SCYL2: variants seen among roughly 807,000 people sequenced by gnomAD.
SCYL2 encodes SCY1 like pseudokinase 2.
Under a neutral mutation model 100.4 loss-of-function variants are expected in SCYL2, and 36 were observed. The ratio of observed to expected loss-of-function variants is 0.36; its 90% CI spans 0.27 to 0.47. SCYL2 has a LOEUF of 0.47. Ranked by LOEUF, SCYL2 falls within the 20% of genes least tolerant of loss-of-function variation. The pLI is 1.00. For synonymous variants in SCYL2, 330 were observed against 359.2 expected, an observed-to-expected ratio of 0.92 and a Z score of 0.92; for missense variants, 902 against 1,083.9, an observed-to-expected ratio of 0.83 and a Z score of 2.36.
In SCYL2 at chr12:100,284,024, C is replaced by T. The variant is rs567875676; in HGVS notation, c.177+877C>T. ...TAAATGGTTTCTTGAGTATTGACTA[C>T]CTAAAAACTATTAATGAGGTCATGA... is the stretch of plus-strand genomic sequence containing the variant. On this transcript the variant is annotated intron_variant, in intron 2 of 17. Transcript: ENST00000360820. 2.6e-4 allele frequency among the ~76,000 whole-genome samples: 39 copies of T among 152,232 alleles called. No homozygotes were observed. The South Asian group carries it at 8.1e-3, about 32-fold the overall frequency.
chr12:100,303,410 G>A (rs2096330129), intron 4 of SCYL2, among the ~76,000 whole-genome samples: 1 of 152,020 alleles, frequency 6.6e-6, no homozygotes, highest in South Asian at 2.1e-4. Context: ...CTTTGATGTC[G>A]GTGACTTTCA....
At chr12:100,303,887 T>C (rs902946167) in intron 4 of SCYL2, among the ~76,000 whole-genome samples, 2 of 152,190 alleles carry the variant, frequency 1.3e-5, no homozygotes, top group African/African-American at 4.8e-5. Context: ...ATGCTCTGTC[T>C]CAGGGAAATG....
intron 7 of SCYL2, 21 bp from the exon 8 acceptor site, chr12:100,314,468 C>T: frequency 6.5e-7 from 1 of 1,545,894 alleles, no homozygotes; most frequent in African/African-American, 1.4e-5. Context: ...TATCAAAATA[C>T]TTTATTTCCA....
intron 13 of SCYL2, among the ~76,000 whole-genome samples, chr12:100,330,830 C>CTTTTTTTTTT (rs71088179): frequency 7.5e-6 from 1 of 134,106 alleles, no homozygotes. Flanking sequence ...AATTTTTTTT[C>CTTTTTTTTTT]TTTTTTTTTT....
At chr12:100,286,200 T>C (rs1297797227) in intron 2 of SCYL2, among the ~76,000 whole-genome samples, 2 of 152,174 alleles carry the variant, frequency 1.3e-5, no homozygotes, top group East Asian at 1.9e-4. Flanking sequence ...CTTTCAACTG[T>C]CAAATATCAA....
chr12:100,281,239 G>A (rs114676092), intron 1 of SCYL2, among the ~76,000 whole-genome samples: 2,396 of 151,890 alleles, frequency 0.016, 63 homozygotes, highest in African/African-American at 0.055. Context: ...ATGTTTCCCA[G>A]GCTGGTCTTG....
intron 3 of SCYL2, among the ~76,000 whole-genome samples, chr12:100,294,726 G>C (rs1305371413): frequency 7.6e-6 from 1 of 130,804 alleles, no homozygotes; most frequent in Non-Finnish European, 1.6e-5. Flanking sequence ...TCCCGGACGG[G>C]GTGGCTGGCC....
chr12:100,271,683 C>T (rs1438182328), intron 1 of SCYL2, among the ~76,000 whole-genome samples: 2 of 152,136 alleles, frequency 1.3e-5, no homozygotes, highest in African/African-American at 4.8e-5. Flanking sequence ...AACTTCATTG[C>T]CAGATGTAAT....
At chr12:100,316,434 G>A (rs573931829) in intron 9 of SCYL2, among the ~76,000 whole-genome samples, 1 of 152,318 alleles carries the variant, frequency 6.6e-6, no homozygotes, top group South Asian at 2.1e-4. Context: ...GGATTGTTGA[G>A]ATTAAATGAA....
At chr12:100,278,344 C>G (rs2096294647) in intron 1 of SCYL2, among the ~76,000 whole-genome samples, 1 of 152,054 alleles carries the variant, frequency 6.6e-6, no homozygotes, top group African/African-American at 2.4e-5. Flanking sequence ...AGACTACAGT[C>G]AGATGACACC....
chr12:100,267,227 C>G lies in SCYL2; in HGVS notation c.-594C>G. The G allele has an allele frequency of 1.2e-6, 1 of 800,722 alleles. No individual in the cohort carries two copies. The highest frequency in any genetic ancestry group is 1.9e-6 in the Non-Finnish European group (1 of 522,696). The allele number at this position is 800,722 out of a possible 1,614,324, so 49.6% of individuals were successfully genotyped here. The stretch of plus-strand genomic sequence containing the variant: ...TCGTCCCCGGTCCCTCCCCTCCCCA[C>G]CCCTTTCCTTCTAGCTCCGACGTTT... On this transcript the variant is annotated 5_prime_UTR_variant, in exon 1 of 18. Coordinates refer to ENST00000360820, the MANE Select transcript of SCYL2 (RefSeq NM_017988.6).
At position 100,338,651 on chromosome 12, in the gene SCYL2, A is replaced by T. The variant is rs763140549; in HGVS notation, c.2269A>T (p.Met757Leu). 1.9e-6 allele frequency: 3 copies of T among 1,613,856 alleles called. No homozygotes were observed. In the African/African-American group the frequency reaches 4.0e-5, roughly 22 times the overall value. The change falls in exon 18 of 18, where the codon ATG becomes TTG. Residue 757 changes from methionine (M) to leucine (L), a missense_variant. Physicochemically the swap from Met to Leu is conservative, Grantham distance 15 (BLOSUM62 2). Transcript: ENST00000360820. ...TSVPSMGIGM[M>L]FSTPTDNTKR... is the part of the protein sequence containing the mutation. ...TGTTCCTTCCATGGGCATTGGTATG[A>T]TGTTTTCTACACCAACTGATAATAC...
chr12:100,336,991 A>G (rs1952285925), intron 16 of SCYL2, among the ~76,000 whole-genome samples: 2 of 152,156 alleles, frequency 1.3e-5, no homozygotes. Context: ...CAGTGAAAGA[A>G]CTGCTAATGT....
At chr12:100,283,373 T>G (rs2096300974) in intron 2 of SCYL2, among the ~76,000 whole-genome samples, 1 of 152,240 alleles carries the variant, frequency 6.6e-6, no homozygotes, top group Admixed American at 6.5e-5. Flanking sequence ...CCATATCATC[T>G]TGAAATATAA....
At chr12:100,304,040 G>A (rs982203024) in intron 4 of SCYL2, among the ~76,000 whole-genome samples, 2 of 152,076 alleles carry the variant, frequency 1.3e-5, no homozygotes, top group Admixed American at 1.3e-4. Context: ...ACTTCTACGC[G>A]GCTTTGTTTA....
chr12:100,314,341 G>A, intron 7 of SCYL2, 148 bp from the exon 8 acceptor site: 1 of 567,162 alleles, frequency 1.8e-6, no homozygotes, highest in Non-Finnish European at 3.0e-6. Context: ...TTCTTATTCA[G>A]AGTTTTATAA....
At chr12:100,292,837 G>A (rs1375222300) in intron 3 of SCYL2, among the ~76,000 whole-genome samples, 2 of 152,094 alleles carry the variant, frequency 1.3e-5, no homozygotes, top group South Asian at 4.1e-4. Context: ...GATTGATCGA[G>A]ACAAGAGTCT....
intron 2 of SCYL2, among the ~76,000 whole-genome samples, chr12:100,290,619 T>G (rs1470757265): frequency 6.6e-6 from 1 of 152,168 alleles, no homozygotes; most frequent in Non-Finnish European, 1.5e-5. Flanking sequence ...TTGTCTTGGA[T>G]ATTGATAGTT....
Position 100,341,360 on chromosome 12 carries a change from C to T in SCYL2, c.*2188C>T, listed in dbSNP as rs894942101. 3.3e-5 allele frequency: 5 copies of T among 151,974 alleles called. No individual in the cohort carries two copies. Among genetic ancestry groups the T allele is most frequent in the African/African-American group, 4.8e-5 (2 of 41,380 alleles). 9.4% of individuals were successfully genotyped at this position (151,974 alleles called of 1,614,324 possible). On this transcript the variant is annotated 3_prime_UTR_variant, in exon 18 of 18. Transcript: ENST00000360820. ...TTCACGTACTGAAGACAATTAAGTC[C>T]GTTATGTTTAGAGTAGAAAATGTTT...
Sources: gnomAD v4.1 joint callset for allele counts (sites outside exome capture counted in the v4.1 genomes callset) on GRCh38, gnomAD v4.1.1 for gene constraint, MANE v1.5 for transcripts, NCBI Gene and HGNC (gene_info 2026-07-23, HGNC 2026-07-21) for gene names.